SPPL2A: variants seen among roughly 807,000 people sequenced by gnomAD.
The protein encoded by SPPL2A is signal peptide peptidase-like 2A.
SPPL2A carries 51 observed loss-of-function variants against 63.8 expected under a neutral mutation model. The observed-to-expected ratio is 0.80, with a 90% CI of 0.64 to 1.01. SPPL2A has a LOEUF of 1.01. Ranked by LOEUF, SPPL2A falls within the 50% of genes least tolerant of loss-of-function variation. The probability of loss-of-function intolerance (pLI) is 0.00; values close to 1 mark genes in which losing one functional copy is unlikely to be tolerated. For missense variants in SPPL2A, 553 were observed against 622.7 expected, an observed-to-expected ratio of 0.89 and a Z score of 1.19; for synonymous variants, 188 against 205.8, an observed-to-expected ratio of 0.91 and a Z score of 0.74.
At chr15:50,736,614 A>G (rs957609401) in intron 7 of SPPL2A, 30 bp downstream of exon 7, 2 of 1,259,608 alleles carry the variant, frequency 1.6e-6, no homozygotes, top group Non-Finnish European at 2.3e-6. Context: ...AAACACCAAC[A>G]TTATAAGATT....
At chr15:50,716,500 G>A (rs1330926118) in intron 14 of SPPL2A, among the ~76,000 whole-genome samples, 5 of 152,046 alleles carry the variant, frequency 3.3e-5, no homozygotes, top group African/African-American at 1.2e-4. Flanking sequence ...TAGCCTATAA[G>A]CATATATTTT....
At chr15:50,727,070 A>T (rs894960485) in intron 10 of SPPL2A, among the ~76,000 whole-genome samples, 16 of 152,178 alleles carry the variant, frequency 1.1e-4, no homozygotes, top group African/African-American at 3.6e-4. Context: ...TCATTTAAAA[A>T]TTTTTTCCTG....
rs1239491050 is a variant in SPPL2A at position 50,705,637 on chromosome 15, T to A, written c.*2163A>T. 6.6e-6 allele frequency: 1 copy of A among 152,180 alleles called. No individual in the cohort carries two copies. Among genetic ancestry groups the A allele is most frequent in the Admixed American group, 6.5e-5 (1 of 15,276 alleles). 9.4% of individuals were successfully genotyped at this position (152,180 alleles called of 1,614,324 possible). ...GCAAAATTAACTCTTGTCAGGTAAG[T>A]CATTTGCCATAAACGAAAGGACCCA... On this transcript the variant is annotated 3_prime_UTR_variant, in exon 15 of 15. Transcript: ENST00000261854.
intron 9 of SPPL2A, among the ~76,000 whole-genome samples, chr15:50,731,939 A>AAAAAAAAAC (rs2062734654): frequency 7.9e-6 from 1 of 126,958 alleles, no homozygotes; most frequent in Non-Finnish European, 1.7e-5. Flanking sequence ...AAAAAAAAAA[A>AAAAAAAAAC]AAAACCAAAT....
chr15:50,736,711 C>T lies in SPPL2A; in HGVS notation c.763G>A (p.Ala255Thr), dbSNP rs759965796. The change falls in exon 7 of 15, where the codon GCA becomes ACA. Residue 255 changes from alanine (A) to threonine (T), a missense_variant. Physicochemically the swap from Ala to Thr is moderately conservative, Grantham distance 58. Coordinates refer to ENST00000261854, the MANE Select transcript of SPPL2A (RefSeq NM_032802.4). ...CAGTTGTACAGACTCATTGCTGATG[C>T]TATGCAGAAAATTGCTATCATAACA... ...VYVMIAIFCI[A>T]SAMSLYNCLA... is the part of the protein sequence containing the mutation. 3.1e-6 allele frequency: 5 copies of T among 1,607,182 alleles called. No individual in the cohort carries two copies. The highest frequency in any genetic ancestry group is 3.4e-6 in the Non-Finnish European group (4 of 1,174,660).
chr15:50,734,640 T>C (rs2062756378), intron 8 of SPPL2A, among the ~76,000 whole-genome samples: 1 of 152,100 alleles, frequency 6.6e-6, no homozygotes, highest in Admixed American at 6.6e-5. Flanking sequence ...AGTTAATAAC[T>C]TATTGTATAT....
chr15:50,707,590 T>G lies in SPPL2A; in HGVS notation c.*210A>C, dbSNP rs2141014695. 1.9e-6 allele frequency: 1 copy of G among 528,754 alleles called. No individual in the cohort carries two copies. The highest frequency in any genetic ancestry group is 3.4e-6 in the Non-Finnish European group (1 of 297,934). 32.8% of individuals were successfully genotyped at this position (528,754 alleles called of 1,614,324 possible). A position where few individuals can be genotyped will look rare whatever the true frequency, so the allele number is the denominator to read the frequency against. ...CATCTCGGAAACTACACAGACCATA[T>G]GTTTTATTTAATGTGAAGGCACAAC... On this transcript the variant is annotated 3_prime_UTR_variant, in exon 15 of 15. Coordinates refer to ENST00000261854, the MANE Select transcript of SPPL2A (RefSeq NM_032802.4).
intron 5 of SPPL2A, among the ~76,000 whole-genome samples, chr15:50,745,950 C>T (rs2062854028): frequency 6.6e-6 from 1 of 151,910 alleles, no homozygotes; most frequent in Non-Finnish European, 1.5e-5. Flanking sequence ...ACTAAAGAGG[C>T]TGAGGCAGGG....
rs1314156498 is a variant in SPPL2A, at chr15:50,707,876, T to C, written c.1489-2A>G. The C allele has an allele frequency of 3.2e-6, 5 of 1,557,250 alleles. No individual in the cohort carries two copies. The highest frequency in any genetic ancestry group is 4.4e-6 in the Non-Finnish European group (5 of 1,128,700). ...TGCACAATCCAAATGGTCCATCATC[T>C]AGGCATAAATAAAAGACGTTAGGAA... On this transcript the variant is annotated splice_acceptor_variant, in intron 14 of 14. Coordinates refer to ENST00000261854, the MANE Select transcript of SPPL2A (RefSeq NM_032802.4). LOFTEE classifies it high-confidence loss of function.
intron 5 of SPPL2A, among the ~76,000 whole-genome samples, chr15:50,740,283 C>T (rs1409996634): frequency 2.6e-5 from 4 of 151,372 alleles, no homozygotes; most frequent in Admixed American, 1.3e-4. Flanking sequence ...AAAAATTAGC[C>T]GGGTGTGGTG....
rs1423685785 is a variant in SPPL2A, at chr15:50,704,361, A to AAAC, written c.*3438_*3439insGTT. On this transcript the variant is annotated 3_prime_UTR_variant, in exon 15 of 15. Coordinates refer to ENST00000261854, the MANE Select transcript of SPPL2A (RefSeq NM_032802.4). ...CTGTCTCAAAAAAAAAAAAAAAAAA[A>AAAC]AATCTACAAGCTAGAAGAAAATATA... 6 of 151,754 alleles carry AAAC rather than the reference A, an allele frequency of 4.0e-5. No individual in the cohort carries two copies. Among genetic ancestry groups the AAAC allele is most frequent in the African/African-American group, 1.5e-4 (6 of 41,348 alleles). The allele number at this position is 151,754 out of a possible 1,614,324, so 9.4% of individuals were successfully genotyped here. A position where few individuals can be genotyped will look rare whatever the true frequency, so the allele number is the denominator to read the frequency against.
intron 8 of SPPL2A, among the ~76,000 whole-genome samples, 178 bp downstream of exon 8, chr15:50,735,923 T>A (rs1268696765): frequency 6.6e-6 from 1 of 152,188 alleles, no homozygotes; most frequent in Non-Finnish European, 1.5e-5. Context: ...CATATTTCCT[T>A]CTCTATATGA....
At chr15:50,721,539 T>C (rs951758642) in intron 13 of SPPL2A, among the ~76,000 whole-genome samples, 9 of 151,814 alleles carry the variant, frequency 5.9e-5, no homozygotes, top group Non-Finnish European at 1.2e-4. Flanking sequence ...TAAGCGTTTC[T>C]CCCATCTCAG....
At chr15:50,746,994 T>G (rs1179002657) in intron 5 of SPPL2A, among the ~76,000 whole-genome samples, 1 of 152,158 alleles carries the variant, frequency 6.6e-6, no homozygotes, top group Non-Finnish European at 1.5e-5. Flanking sequence ...AAAGTGACAG[T>G]AGTACCATTT....
intron 6 of SPPL2A, among the ~76,000 whole-genome samples, chr15:50,738,408 G>A (rs1386869611): frequency 6.6e-6 from 1 of 151,852 alleles, no homozygotes; most frequent in African/African-American, 2.4e-5. Flanking sequence ...AATTAGTCGG[G>A]CACAGTGGCG....
At chr15:50,725,492 C>CACTGCAACTGCA (rs369901072) in intron 11 of SPPL2A, 169 bp from the exon 12 acceptor site, 2 of 479,710 alleles carry the variant, frequency 4.2e-6, no homozygotes, top group African/African-American at 4.2e-5. Flanking sequence ...GATCTCAGCT[C>CACTGCAACTGCA]ACTGCAACTG....
chr15:50,736,643 C>CA lies in SPPL2A; in HGVS notation c.830_830+1insT (p.Ile278AspfsTer32), dbSNP rs2062773233. On this transcript the variant is annotated frameshift_variant and splice_region_variant. Coordinates refer to ENST00000261854, the MANE Select transcript of SPPL2A (RefSeq NM_032802.4). LOFTEE classifies it high-confidence loss of function. ...TAAGATTTCCTGTAAGAGATACGTA[C>CA]GTGCATTGTCCATATGGTATCTTAT... 4 of 1,505,662 alleles carry CA rather than the reference C, an allele frequency of 2.7e-6. No homozygotes were observed. The highest frequency in any genetic ancestry group is 3.7e-6 in the Non-Finnish European group (4 of 1,086,776). 93.3% of individuals were successfully genotyped at this position (1,505,662 alleles called of 1,614,324 possible).
At chr15:50,755,656 A>G (rs2062951678) in intron 1 of SPPL2A, among the ~76,000 whole-genome samples, 2 of 137,530 alleles carry the variant, frequency 1.5e-5, no homozygotes, top group African/African-American at 5.7e-5. Flanking sequence ...AAAAAAAAAA[A>G]GAAGAAAAGA....
chr15:50,725,013 C>T (rs565143906), intron 12 of SPPL2A, among the ~76,000 whole-genome samples: 1 of 152,244 alleles, frequency 6.6e-6, no homozygotes, highest in African/African-American at 2.4e-5. Flanking sequence ...ACTTTTTGAG[C>T]CATGGGAGCT....
Sources: gnomAD v4.1 joint callset for allele counts (sites outside exome capture counted in the v4.1 genomes callset) on GRCh38, gnomAD v4.1.1 for gene constraint, MANE v1.5 for transcripts, NCBI Gene and HGNC (gene_info 2026-07-23, HGNC 2026-07-21) for gene names.